The following GRIK3 variants were observed in gnomAD, a reference collection of about 807,000 sequenced individuals.
GRIK3 encodes glutamate receptor ionotropic, kainate 3.
A neutral mutation model predicts 102.5 loss-of-function variants in GRIK3; 29 were observed. The ratio of observed to expected loss-of-function variants is 0.28; its 90% confidence interval spans 0.21 to 0.39. The LOEUF (loss-of-function observed/expected upper bound fraction) is 0.39. Ranked by LOEUF, GRIK3 falls within the 10% of genes least tolerant of loss-of-function variation. The probability of loss-of-function intolerance (pLI) is 1.00; values close to 1 mark genes in which losing one functional copy is unlikely to be tolerated. For missense variants in GRIK3, 908 were observed against 1,252.4 expected (o/e 0.73, Z 4.15); for synonymous variants, 511 against 504.9 (o/e 1.01, Z -0.16).
chr1:36,907,167 C>G (rs1641292902), intron 1 of GRIK3, among the ~76,000 whole-genome samples: 1 of 152,122 alleles, frequency 6.6e-6, no homozygotes, highest in South Asian at 2.1e-4. Flanking sequence ...GTGAGTGTTT[C>G]CTTAGGAAAA....
intron 1 of GRIK3, among the ~76,000 whole-genome samples, chr1:37,022,077 C>A (rs192889682): frequency 2.0e-5 from 3 of 152,332 alleles, no homozygotes; most frequent in Admixed American, 1.3e-4. Flanking sequence ...ATTCCCAGGG[C>A]TAAATGGCCT....
intron 13 of GRIK3, among the ~76,000 whole-genome samples, chr1:36,808,572 A>T (rs1642525524): frequency 1.3e-5 from 2 of 152,208 alleles, no homozygotes; most frequent in Admixed American, 1.3e-4. Context: ...TGAAGCCCTT[A>T]GTTCAGTCAC....
rs1308935256 is a variant in GRIK3 at position 36,825,586 on chromosome 1, C to A, written c.1754+17G>T. ...CTTCAACCTTGGGCCCGATGTCTGG[C>A]CAAGGAATTGCCTTACCTGGCGATG... On this transcript the variant is annotated intron_variant, in intron 11 of 15. Coordinates refer to ENST00000373091, the MANE Select transcript of GRIK3 (RefSeq NM_000831.4). The A allele has an allele frequency of 4.6e-6, 7 of 1,537,030 alleles. No individual in the cohort carries two copies. Among genetic ancestry groups the A allele is most frequent in the Non-Finnish European group, 6.2e-6 (7 of 1,137,660 alleles).
chr1:36,846,681 G>A (rs1222174192), intron 9 of GRIK3, among the ~76,000 whole-genome samples: 4 of 152,168 alleles, frequency 2.6e-5, no homozygotes, highest in Admixed American at 1.3e-4. Flanking sequence ...GCTGGGGCTG[G>A]GCCACTCCCT....
chr1:36,847,747 G>A lies in GRIK3; in HGVS notation c.1326+2564C>T, dbSNP rs187719140. Among the ~76,000 whole-genome samples, 313 of 152,292 alleles carry A rather than the reference G, an allele frequency of 2.1e-3. 2 individuals are homozygous for A. The highest frequency in any genetic ancestry group is 0.018 in the Admixed American group (279 of 15,292). On this transcript the variant is annotated intron_variant, in intron 9 of 15. Transcript: ENST00000373091. Reference sequence around the variant, plus strand: ...CAGGGCGGATAAGCAATTTCTTAGGGTCATATGGCAAATCAACATCAAAGC... The same window carrying A: ...CAGGGCGGATAAGCAATTTCTTAGGATCATATGGCAAATCAACATCAAAGC...
chr1:36,984,916 G>A (rs920193088), intron 1 of GRIK3, among the ~76,000 whole-genome samples: 9 of 152,148 alleles, frequency 5.9e-5, no homozygotes, highest in African/African-American at 1.4e-4. Context: ...AGGGGGTGGC[G>A]GGGCCAGGCT....
intron 1 of GRIK3, among the ~76,000 whole-genome samples, chr1:36,941,546 G>A (rs1363681048): frequency 6.6e-6 from 1 of 152,092 alleles, no homozygotes; most frequent in Non-Finnish European, 1.5e-5. Context: ...TCCATCTTCA[G>A]TGGGGTGGAG....
At chr1:36,856,484 C>T (rs75164772) in intron 7 of GRIK3, among the ~76,000 whole-genome samples, 2,768 of 152,230 alleles carry the variant, frequency 0.018, 77 homozygotes, top group African/African-American at 0.063. Flanking sequence ...CTCGGAAATG[C>T]CAAGTCTTTA....
intron 9 of GRIK3, among the ~76,000 whole-genome samples, chr1:36,847,848 C>T (rs1640535768): frequency 6.6e-6 from 1 of 152,192 alleles, no homozygotes; most frequent in Non-Finnish European, 1.5e-5. Context: ...CACTGCATGT[C>T]CCAAAGAGCT....
At chr1:36,948,995 C>T (rs1000647048) in intron 1 of GRIK3, among the ~76,000 whole-genome samples, 3 of 152,206 alleles carry the variant, frequency 2.0e-5, no homozygotes, top group African/African-American at 7.2e-5. Context: ...AAGGGCACTG[C>T]TGGGTGGCTC....
At chr1:36,838,909 T>C (rs1277515899) in intron 10 of GRIK3, among the ~76,000 whole-genome samples, 2 of 152,192 alleles carry the variant, frequency 1.3e-5, no homozygotes, top group Non-Finnish European at 2.9e-5. Flanking sequence ...CAAGGTCCCC[T>C]GCATGTCTCG....
intron 1 of GRIK3, among the ~76,000 whole-genome samples, chr1:36,915,156 C>G (rs1277703712): frequency 6.6e-6 from 1 of 152,224 alleles, no homozygotes; most frequent in African/African-American, 2.4e-5. Flanking sequence ...ACTGGGCATA[C>G]AGCAGATAAA....
intron 1 of GRIK3, among the ~76,000 whole-genome samples, chr1:36,982,608 G>A (rs1642261508): frequency 6.6e-6 from 1 of 152,170 alleles, no homozygotes; most frequent in African/African-American, 2.4e-5. Flanking sequence ...AATCCCATGG[G>A]TCTGCAGGGA....
At chr1:36,967,379 C>A (rs1435933332) in intron 1 of GRIK3, among the ~76,000 whole-genome samples, 1 of 152,228 alleles carries the variant, frequency 6.6e-6, no homozygotes, top group African/African-American at 2.4e-5. Flanking sequence ...AACCTCCATG[C>A]CCAGCAGGGC....
At chr1:36,811,480 A>G (rs1294816887) in intron 13 of GRIK3, among the ~76,000 whole-genome samples, 1 of 152,212 alleles carries the variant, frequency 6.6e-6, no homozygotes, top group Non-Finnish European at 1.5e-5. Flanking sequence ...TATGGGCTGC[A>G]CAGGCCTGTG....
chr1:36,874,819 T>G (rs1258579871), intron 3 of GRIK3, among the ~76,000 whole-genome samples: 2 of 152,130 alleles, frequency 1.3e-5, no homozygotes, highest in African/African-American at 4.8e-5. Context: ...CATCGCCCCA[T>G]GTAATGCATG....
intron 9 of GRIK3, among the ~76,000 whole-genome samples, chr1:36,844,562 G>A (rs1004192615): frequency 2.6e-5 from 4 of 152,220 alleles, no homozygotes; most frequent in Admixed American, 2.6e-4. Context: ...AAGGATCAGA[G>A]AGAAGGTACC....
At chr1:36,871,541 G>T (rs879470877) in intron 4 of GRIK3, among the ~76,000 whole-genome samples, 1 of 152,230 alleles carries the variant, frequency 6.6e-6, no homozygotes, top group African/African-American at 2.4e-5. Flanking sequence ...CCCTTGGAGC[G>T]GGTGGTAGGC....
At chr1:36,874,322 A>G (rs2124256184) in intron 3 of GRIK3, among the ~76,000 whole-genome samples, 1 of 152,304 alleles carries the variant, frequency 6.6e-6, no homozygotes, top group Middle Eastern at 3.4e-3. Context: ...ACAGACATGT[A>G]TGCTCGTAGC....
Sources: gnomAD v4.1 joint callset for allele counts (sites outside exome capture counted in the v4.1 genomes callset) on GRCh38, gnomAD v4.1.1 for gene constraint, MANE v1.5 for transcripts, NCBI Gene and HGNC (gene_info 2026-07-23, HGNC 2026-07-21) for gene names.